HOMER2: variants seen among roughly 807,000 people sequenced by gnomAD.
HOMER2 encodes the protein homer scaffold protein 2.
A neutral mutation model predicts 47.0 loss-of-function variants in HOMER2; 27 were observed. The observed-to-expected ratio is 0.57, with a 90% confidence interval of 0.42 to 0.79. The LOEUF (loss-of-function observed/expected upper bound fraction) is 0.79, where lower values mean the gene tolerates loss of function less well. Among genes scored for constraint, HOMER2 ranks in the 30% least tolerant of loss-of-function variants. HOMER2 has a pLI of 0.00. For synonymous variants in HOMER2, 161 were observed against 163.8 expected, an observed-to-expected ratio of 0.98 and a Z score of 0.13; for missense variants, 443 against 435.0, an observed-to-expected ratio of 1.02 and a Z score of -0.16.
At chr15:82,882,450 G>A (rs1197974800) in intron 2 of HOMER2, among the ~76,000 whole-genome samples, 2 of 152,208 alleles carry the variant, frequency 1.3e-5, no homozygotes, top group Non-Finnish European at 2.9e-5. Flanking sequence ...CACTGACATG[G>A]ATCCACATAA....
intron 1 of HOMER2, among the ~76,000 whole-genome samples, chr15:82,970,536 A>G (rs1445107929): frequency 6.6e-6 from 1 of 152,194 alleles, no homozygotes; most frequent in African/African-American, 2.4e-5. Context: ...AAATGACAGC[A>G]CTGCTCTTCT....
chr15:82,836,157 CTCCT>C (rs1282081850), downstream of HOMER2: 1 of 152,310 alleles, frequency 6.6e-6, no homozygotes, highest in Non-Finnish European at 1.5e-5. Flanking sequence ...GGAACCTTCT[CTCCT>C]TCCTTTCTCC....
At chr15:82,973,706 G>C (rs1386722452) in intron 1 of HOMER2, among the ~76,000 whole-genome samples, 1 of 152,124 alleles carries the variant, frequency 6.6e-6, no homozygotes, top group African/African-American at 2.4e-5. Context: ...TCTCATTTTG[G>C]AATCAGGAAA....
chr15:82,851,401 A>G (rs79246325), intron 7 of HOMER2, among the ~76,000 whole-genome samples, 170 bp from the exon 8 acceptor site: 1,615 of 152,326 alleles, frequency 0.011, 7 homozygotes, highest in Non-Finnish European at 0.016. Context: ...TTCAAGGGTG[A>G]AGTGTGTCAC....
At chr15:82,947,853 A>G (rs1172547252) in intron 1 of HOMER2, among the ~76,000 whole-genome samples, 1 of 152,254 alleles carries the variant, frequency 6.6e-6, no homozygotes, top group Non-Finnish European at 1.5e-5. Flanking sequence ...AGGTGTTGGA[A>G]TACACTGGTG....
At chr15:82,945,235 A>G (rs1259556933) in intron 1 of HOMER2, among the ~76,000 whole-genome samples, 1 of 152,120 alleles carries the variant, frequency 6.6e-6, no homozygotes, top group Non-Finnish European at 1.5e-5. Context: ...AAAAAAAAAA[A>G]AAGAGCCTGT....
chr15:82,860,372 G>GC (rs2051736197), intron 4 of HOMER2, among the ~76,000 whole-genome samples: 1 of 151,862 alleles, frequency 6.6e-6, no homozygotes. Context: ...AAATATGGTG[G>GC]GGGGGAGCAA....
chr15:82,863,303 C>A (rs1368355036), intron 4 of HOMER2, among the ~76,000 whole-genome samples: 1 of 152,192 alleles, frequency 6.6e-6, no homozygotes, highest in South Asian at 2.1e-4. Flanking sequence ...AGCCAACCCT[C>A]TCAGGTGAAA....
intron 3 of HOMER2, among the ~76,000 whole-genome samples, chr15:82,871,020 C>A (rs1278082028): frequency 6.6e-6 from 1 of 152,244 alleles, no homozygotes; most frequent in Non-Finnish European, 1.5e-5. Context: ...CCTTCTGTCT[C>A]CTTTCATAAG....
chr15:82,845,218 TCACACACACACACACACACACACACA>T (rs33974319), downstream of HOMER2: 6 of 145,924 alleles, frequency 4.1e-5, no homozygotes, highest in African/African-American at 1.0e-4. Context: ...TGCTGTTTCT[TCACACACACACACACACACACACACA>T]CACACACACA....
downstream of HOMER2, chr15:82,845,123 C>T (rs1232643240): frequency 6.6e-6 from 1 of 152,030 alleles, no homozygotes; most frequent in Non-Finnish European, 1.5e-5. Context: ...ATCACCACCA[C>T]CAGAAATAGA....
At chr15:82,879,470 C>G (rs776511472) in intron 2 of HOMER2, among the ~76,000 whole-genome samples, 4 of 152,048 alleles carry the variant, frequency 2.6e-5, no homozygotes, top group African/African-American at 9.7e-5. Context: ...GTACTCTAGC[C>G]TGGGTGACAA....
chr15:82,928,138 A>G (rs2053902783), intron 1 of HOMER2, among the ~76,000 whole-genome samples: 1 of 152,190 alleles, frequency 6.6e-6, no homozygotes, highest in Non-Finnish European at 1.5e-5. Flanking sequence ...TGCTGGCCTA[A>G]AGACCAGCCA....
Position 82,852,224 on chromosome 15 carries a change from T to C in HOMER2, c.680A>G (p.Glu227Gly), listed in dbSNP as rs1255059834. 6.2e-7 allele frequency: 1 copy of C among 1,613,796 alleles called. No individual in the cohort carries two copies. Among genetic ancestry groups the C allele is most frequent in the African/African-American group, 1.3e-5 (1 of 74,942 alleles). Residue 227 changes from glutamate to glycine, a missense_variant, in exon 7 of 9, where the codon GAG becomes GGG. Glu to Gly is a moderately conservative substitution (Grantham distance 98). Coordinates refer to ENST00000450735, the MANE Select transcript of HOMER2 (RefSeq NM_004839.4). ...GTTCTTCTCCTTCTCTCTGTTGATCTCACTGCATTGTTCTTCCAGCTCATC... is the reference window on the plus strand; with the variant it reads ...GTTCTTCTCCTTCTCTCTGTTGATCCCACTGCATTGTTCTTCCAGCTCATC... ...KIDELEEQCS[E>G]INREKEKNTQ...
At position 82,899,956 on chromosome 15, in the gene HOMER2, C is replaced by T. The variant is rs148112356; in HGVS notation, c.6-7115G>A. Among the ~76,000 whole-genome samples the T allele has an allele frequency of 3.3e-5, 5 of 151,972 alleles. No individual in the cohort carries two copies. In the East Asian group the frequency reaches 9.7e-4, roughly 29 times the overall value. ...AGAATCGCTTGAACCAGGGAGGCGG[C>T]GGTTGCAGGGAGCCGAGATTATGCA... On this transcript the variant is annotated intron_variant, in intron 1 of 8. Transcript: ENST00000450735.
Position 82,875,942 on chromosome 15 carries a change from C to T in HOMER2, c.163-538G>A, listed in dbSNP as rs145741308. 1.7e-4 allele frequency among the ~76,000 whole-genome samples: 26 copies of T among 152,262 alleles called. No individual in the cohort carries two copies. The East Asian group carries it at 4.4e-3, about 26-fold the overall frequency. ...TTAATTGACAAAGAAACTAATTATACGGGTGTGAGTGGGGTACAGGGAATC... is the reference window on the plus strand; with the variant it reads ...TTAATTGACAAAGAAACTAATTATATGGGTGTGAGTGGGGTACAGGGAATC... On this transcript the variant is annotated intron_variant, in intron 2 of 8. Coordinates refer to ENST00000450735, the MANE Select transcript of HOMER2 (RefSeq NM_004839.4).
intron 1 of HOMER2, among the ~76,000 whole-genome samples, chr15:82,964,659 G>A (rs1476468085): frequency 2.6e-5 from 4 of 152,112 alleles, no homozygotes; most frequent in South Asian, 2.1e-4. Context: ...CCAGCTACTC[G>A]AGAGGCTAAG....
chr15:82,895,024 A>G (rs1445346656), intron 1 of HOMER2, among the ~76,000 whole-genome samples: 2 of 152,228 alleles, frequency 1.3e-5, no homozygotes, highest in Non-Finnish European at 1.5e-5. Flanking sequence ...TAACACCAGC[A>G]GCATCAACCA....
chr15:82,968,871 C>T (rs2029886617), intron 1 of HOMER2, among the ~76,000 whole-genome samples: 1 of 152,162 alleles, frequency 6.6e-6, no homozygotes, highest in African/African-American at 2.4e-5. Context: ...CCTTCACAGC[C>T]AGACTATCTG....
Sources: allele counts gnomAD v4.1 joint callset (sites outside exome capture counted in the v4.1 genomes callset), GRCh38; gene constraint gnomAD v4.1.1; transcripts MANE v1.5; gene names NCBI Gene and HGNC (gene_info 2026-07-23, HGNC 2026-07-21).